UBE3B: variants seen among roughly 807,000 people sequenced by gnomAD.
UBE3B encodes ubiquitin protein ligase E3B.
UBE3B carries 80 observed loss-of-function variants against 132.3 expected under a neutral mutation model. That is an observed-to-expected ratio of 0.60 (90% CI 0.50 to 0.73). UBE3B has a LOEUF of 0.73. Among genes scored for constraint, UBE3B ranks in the 30% least tolerant of loss-of-function variants. UBE3B has a pLI of 0.00. For missense variants in UBE3B, 1,196 were observed against 1,362.5 expected, an observed-to-expected ratio of 0.88 and a Z score of 1.92; for synonymous variants, 487 against 520.4, an observed-to-expected ratio of 0.94 and a Z score of 0.87.
intron 1 of UBE3B, among the ~76,000 whole-genome samples, 179 bp downstream of exon 1, chr12:109,478,288 A>G (rs1056541005): frequency 5.3e-5 from 8 of 152,204 alleles, no homozygotes; most frequent in African/African-American, 7.2e-5. Flanking sequence ...TGCACTCTCA[A>G]CTTCTCTTTG....
chr12:109,523,796 A>G (rs1187184679), intron 21 of UBE3B, among the ~76,000 whole-genome samples, 182 bp from the exon 22 acceptor site: 1 of 152,216 alleles, frequency 6.6e-6, no homozygotes, highest in Non-Finnish European at 1.5e-5. Flanking sequence ...CGCTGTCCCC[A>G]GGAGGCACTC....
At chr12:109,488,738 T>C in intron 7 of UBE3B, 70 bp downstream of exon 7, 1 of 1,478,024 alleles carries the variant, frequency 6.8e-7, no homozygotes, top group Non-Finnish European at 9.4e-7. Flanking sequence ...CCTTTTTTCC[T>C]TTGTAAGAAG....
intron 8 of UBE3B, 106 bp downstream of exon 8, chr12:109,490,110 T>TG: frequency 8.7e-7 from 1 of 1,149,032 alleles, no homozygotes; most frequent in Non-Finnish European, 1.3e-6. Context: ...TCAGAAACAC[T>TG]TTTCATAGGA....
At chr12:109,500,072 A>G (rs936283037) in intron 12 of UBE3B, among the ~76,000 whole-genome samples, 1 of 152,116 alleles carries the variant, frequency 6.6e-6, no homozygotes, top group African/African-American at 2.4e-5. Flanking sequence ...TTGAAATCCT[A>G]TTATTTTGTA....
intron 18 of UBE3B, among the ~76,000 whole-genome samples, chr12:109,516,531 C>T (rs1566102571): frequency 6.6e-6 from 1 of 152,008 alleles, no homozygotes; most frequent in Non-Finnish European, 1.5e-5. Context: ...TGCAGCCAGA[C>T]CACTCTTTCC....
At position 109,503,486 on chromosome 12, in the gene UBE3B, C is replaced by CAA. The variant is rs58979120; in HGVS notation, c.1450+305_1450+306dup. Reference sequence around the variant, plus strand: ...TAAAGAAGCAAAAAAGATAGGGTTGCAAAAAAAAAAGGAAAAAGAAAACCA... The same window carrying CAA: ...TAAAGAAGCAAAAAAGATAGGGTTGCAAAAAAAAAAAAGGAAAAAGAAAACCA... On this transcript the variant is annotated intron_variant, in intron 14 of 27. Transcript: ENST00000342494. Among the ~76,000 whole-genome samples, 5 of 141,888 alleles carry CAA rather than the reference C, an allele frequency of 3.5e-5. No individual in the cohort carries two copies. The East Asian group carries it at 1.0e-3, about 29-fold the overall frequency. The allele number at this position is 141,888 out of a possible 152,430, so 93.1% of individuals were successfully genotyped here.
At position 109,521,614 on chromosome 12, in the gene UBE3B, AC is replaced by A; in HGVS notation, c.2364+64del. 6 of 1,418,976 alleles carry A rather than the reference AC, an allele frequency of 4.2e-6. No homozygotes were observed. Among genetic ancestry groups the A allele is most frequent in the Non-Finnish European group, 5.7e-6 (6 of 1,044,932 alleles). 87.9% of individuals were successfully genotyped at this position (1,418,976 alleles called of 1,614,324 possible). On this transcript the variant is annotated intron_variant, in intron 21 of 27. Transcript: ENST00000342494. This position sits in a 1 kb window ranked among gnomAD's most constrained non-coding sequence, Gnocchi z 4.2. ...TGTTAACGGTACCATGGGCTTCTTC[AC>A]ATACACATATGTGATCAGGCTTGGC...
Position 109,521,060 on chromosome 12 carries a change from G to GC in UBE3B, c.2077-88_2077-87insC. ...ATTTGCACATTTGGTAATGATGCTG[G>GC]GAGAGCTTCGCACAGAGGAGAGGGA... is the stretch of plus-strand genomic sequence containing the variant. On this transcript the variant is annotated intron_variant, in intron 19 of 27. Transcript: ENST00000342494. This position sits in a 1 kb window ranked among gnomAD's most constrained non-coding sequence, Gnocchi z 4.2. The GC allele has an allele frequency of 6.8e-7, 1 of 1,471,414 alleles. No individual in the cohort carries two copies. The highest frequency in any genetic ancestry group is 9.3e-7 in the Non-Finnish European group (1 of 1,078,874). The allele number at this position is 1,471,414 out of a possible 1,614,324, so 91.1% of individuals were successfully genotyped here. A position where few individuals can be genotyped will look rare whatever the true frequency, so the allele number is the denominator to read the frequency against.
chr12:109,493,704 G>T (rs1327025947), intron 9 of UBE3B, among the ~76,000 whole-genome samples: 1 of 152,200 alleles, frequency 6.6e-6, no homozygotes, highest in Non-Finnish European at 1.5e-5. Flanking sequence ...AAAATCGTCA[G>T]TGGTGTGCCA....
downstream of UBE3B, among the ~76,000 whole-genome samples, chr12:109,539,189 T>G (rs1260166918): frequency 1.3e-5 from 2 of 152,094 alleles, no homozygotes; most frequent in African/African-American, 4.8e-5. Flanking sequence ...TGAGCCAAGA[T>G]CACACCACTG....
rs774368115 is a variant in UBE3B at position 109,521,529 on chromosome 12, T to C, written c.2342T>C (p.Met781Thr). 3.8e-6 allele frequency: 6 copies of C among 1,599,586 alleles called. No individual in the cohort carries two copies. The South Asian group carries it at 6.7e-5, about 18-fold the overall frequency. The part of the protein sequence containing the change: ...YLQLFEFVGK[M>T]LGKAVYEGIV... Reference sequence around the variant, plus strand: ...CAGCTCTTCGAGTTTGTGGGGAAGATGCTGGGGAAGGCTGTGTATGAGGTA... The same window carrying C: ...CAGCTCTTCGAGTTTGTGGGGAAGACGCTGGGGAAGGCTGTGTATGAGGTA... The change falls in exon 21 of 28, where the codon ATG (methionine) becomes ACG (threonine). Residue 781 changes from methionine (M) to threonine (T), a missense_variant. Transcript: ENST00000342494. The surrounding 1 kb of genome is among the most constrained non-coding windows in gnomAD (Gnocchi z 4.2).
chr12:109,492,157 T>G (rs1877551288), intron 9 of UBE3B: 1 of 152,200 alleles, frequency 6.6e-6, no homozygotes, highest in South Asian at 2.1e-4. Flanking sequence ...AAACTTTATT[T>G]ACAAAAATAG....
rs1883163783 is a variant in UBE3B at position 109,533,517 on chromosome 12, C to G, written c.2974C>G (p.Pro992Ala). The change falls in exon 27 of 28, where the codon CCT becomes GCT. Residue 992 changes from proline to alanine, a missense_variant. By Grantham distance (27) the Pro-to-Ala change is conservative. Transcript: ENST00000342494. ...GCTCCTGGGATTCGCCTACCTCAAG[C>G]CTCCATTCTCCATCCGCTGCGTGGA... ...PPLLGFAYLK[P>A]PFSIRCVEVS... The G allele has an allele frequency of 1.9e-6, 3 of 1,614,066 alleles. No homozygotes were observed. Among genetic ancestry groups the G allele is most frequent in the Non-Finnish European group, 2.5e-6 (3 of 1,180,030 alleles).
the UBE3B span, among the ~76,000 whole-genome samples, chr12:109,542,160 G>A: frequency 2.0e-5 from 3 of 152,174 alleles, no homozygotes; most frequent in Non-Finnish European, 4.4e-5. Flanking sequence ...GGGTGAAAAG[G>A]AGAATTGCTT....
intron 14 of UBE3B, among the ~76,000 whole-genome samples, chr12:109,503,654 T>G (rs766713911): frequency 6.6e-6 from 1 of 152,220 alleles, no homozygotes; most frequent in Non-Finnish European, 1.5e-5. Flanking sequence ...TTCGAAAACC[T>G]TATCTTTATT....
chr12:109,501,856 G>A (rs1035435413), intron 13 of UBE3B, among the ~76,000 whole-genome samples: 10 of 151,500 alleles, frequency 6.6e-5, no homozygotes, highest in Non-Finnish European at 1.0e-4. Context: ...AGAGATGGGG[G>A]CCTTACCTTA....
chr12:109,506,843 T>G (rs1225418741), intron 14 of UBE3B, among the ~76,000 whole-genome samples: 2 of 152,254 alleles, frequency 1.3e-5, no homozygotes, highest in East Asian at 3.8e-4. Flanking sequence ...TCAGTATTTT[T>G]GTAACAAATA....
chr12:109,490,281 C>G, intron 8 of UBE3B: 1 of 1,152,142 alleles, frequency 8.7e-7, no homozygotes, highest in Non-Finnish European at 1.2e-6. Flanking sequence ...AAGGAGACCT[C>G]AGGGCTTGTT....
chr12:109,539,741 C>T (rs761817304), downstream of UBE3B, among the ~76,000 whole-genome samples: 26 of 152,132 alleles, frequency 1.7e-4, no homozygotes, highest in Non-Finnish European at 2.6e-4. Flanking sequence ...CTTTGGCTGA[C>T]GTTAACAGGA....
Sources: gnomAD v4.1 joint callset for allele counts (sites outside exome capture counted in the v4.1 genomes callset) on GRCh38, gnomAD v4.1.1 for gene constraint, Gnocchi (gnomAD v3.1) non-coding constraint, MANE v1.5 for transcripts, NCBI Gene and HGNC (gene_info 2026-07-23, HGNC 2026-07-21) for gene names.